TMEM63A: variants seen among roughly 807,000 people sequenced by gnomAD.
TMEM63A encodes the protein mechanosensitive cation channel TMEM63A.
Under a neutral mutation model 100.6 loss-of-function variants are expected in TMEM63A, and 76 were observed. That is an observed-to-expected ratio of 0.76 (90% CI 0.63 to 0.91). TMEM63A has a LOEUF of 0.91. Ranked by LOEUF, TMEM63A falls within the 40% of genes least tolerant of loss-of-function variation. The pLI is 0.00. For missense variants in TMEM63A, 876 were observed against 1,008.8 expected (o/e 0.87, Z 1.78); for synonymous variants, 401 against 401.1 (o/e 1.00, Z 0.00).
At chr1:225,849,758 TTC>T (rs1290226174) in intron 21 of TMEM63A, among the ~76,000 whole-genome samples, 152 bp downstream of exon 21, 2 of 152,168 alleles carry the variant, frequency 1.3e-5, no homozygotes, top group African/African-American at 4.8e-5. Flanking sequence ...GGGTACCACG[TTC>T]TGATGGGACA....
chr1:225,865,899 G>C lies in TMEM63A; in HGVS notation c.744C>G (p.Phe248Leu). The change falls in exon 10 of 25, where the codon TTC becomes TTG. Residue 248 changes from phenylalanine to leucine, a missense_variant and splice_region_variant. Transcript: ENST00000366835. This position sits in a 1 kb window ranked among gnomAD's most constrained non-coding sequence, Gnocchi z 4.6. The part of the protein sequence containing the change: ...DARKETVESH[F>L]RDAYPTCEVV... ...CCCCTCCCACCCCACCTGCTTACCG[G>C]AAGTGGCTCTCCACAGTCTCCTTCC... is the stretch of plus-strand genomic sequence containing the variant. 6.2e-7 allele frequency: 1 copy of C among 1,613,960 alleles called. No individual in the cohort carries two copies. Among genetic ancestry groups the C allele is most frequent in the African/African-American group, 1.3e-5 (1 of 75,038 alleles).
intron 14 of TMEM63A, 36 bp from the exon 15 acceptor site, chr1:225,859,385 G>A (rs200730543): frequency 1.9e-6 from 3 of 1,610,906 alleles, no homozygotes; most frequent in East Asian, 2.2e-5. Flanking sequence ...CTCGAGGCTT[G>A]TCTCCCAGTG....
intron 14 of TMEM63A, 35 bp from the exon 15 acceptor site, chr1:225,859,384 T>A (rs1264127541): frequency 6.2e-7 from 1 of 1,610,974 alleles, no homozygotes; most frequent in Admixed American, 1.7e-5. Context: ...TCTCGAGGCT[T>A]GTCTCCCAGT....
chr1:225,842,361 G>A (rs369738560), downstream of TMEM63A: 42 of 1,605,302 alleles, frequency 2.6e-5, 1 homozygote, highest in East Asian at 6.7e-5. Flanking sequence ...CCCGCTCCCC[G>A]CCAGGCTCTG....
chr1:225,880,969 C>A (rs1671059531), intron 1 of TMEM63A, among the ~76,000 whole-genome samples: 1 of 152,224 alleles, frequency 6.6e-6, no homozygotes, highest in Non-Finnish European at 1.5e-5. Flanking sequence ...ATCACCAAAT[C>A]TTTCAATCCT....
At chr1:225,866,457 G>A (rs556829158) in intron 9 of TMEM63A, 117 bp downstream of exon 9, 1 of 827,700 alleles carries the variant, frequency 1.2e-6, no homozygotes, top group South Asian at 1.7e-5. Context: ...CGGGGCTCCT[G>A]AGGCCCTCCC....
chr1:225,855,651 A>T (rs1669576490), intron 18 of TMEM63A, among the ~76,000 whole-genome samples: 1 of 152,178 alleles, frequency 6.6e-6, no homozygotes, highest in Non-Finnish European at 1.5e-5. Flanking sequence ...TGGCCTAAAA[A>T]ATTAACCACA....
At position 225,862,183 on chromosome 1, in the gene TMEM63A, C is replaced by G. The variant is rs1297352296; in HGVS notation, c.1085+35G>C. 2 of 1,610,274 alleles carry G rather than the reference C, an allele frequency of 1.2e-6. No individual in the cohort carries two copies. The highest frequency in any genetic ancestry group is 2.0e-4 in the Middle Eastern group (1 of 4,948). The stretch of plus-strand genomic sequence containing the variant: ...AGTTATCTGGAGGGGAACAGGGAGT[C>G]AGCCAAGAAGGGGTCTGGATGTGCC... On this transcript the variant is annotated intron_variant, in intron 13 of 24. Coordinates refer to ENST00000366835, the MANE Select transcript of TMEM63A (RefSeq NM_014698.3). This position sits in a 1 kb window ranked among gnomAD's most constrained non-coding sequence, Gnocchi z 5.1.
In TMEM63A at chr1:225,872,027, G is replaced by T; in HGVS notation, c.293C>A (p.Ser98Ter). Residue 98 changes from serine (S) to a stop codon, truncating the protein, a stop_gained, in exon 5 of 25, where the codon TCG becomes TAG. Coordinates refer to ENST00000366835, the MANE Select transcript of TMEM63A (RefSeq NM_014698.3). LOFTEE classifies it high-confidence loss of function. Reference protein sequence around the residue: ...DSESRFQRLSSTSSSGQQDFE... With the variant: ...DSESRFQRLS ...GTCTTGTTGACCTGAGGAGGAAGTC[G>T]ATGACAATCTCTGAAATCTGGACTC... is the stretch of plus-strand genomic sequence containing the variant. The T allele has an allele frequency of 6.2e-7, 1 of 1,612,060 alleles. No homozygotes were observed. Among genetic ancestry groups the T allele is most frequent in the Non-Finnish European group, 8.5e-7 (1 of 1,179,146 alleles).
intron 4 of TMEM63A, among the ~76,000 whole-genome samples, chr1:225,873,886 G>T (rs1422163194): frequency 6.6e-6 from 1 of 152,218 alleles, no homozygotes; most frequent in African/African-American, 2.4e-5. Context: ...AAAGCCCTCA[G>T]TATCTAAAGC....
At chr1:225,879,492 C>T (rs1576122937) in intron 1 of TMEM63A, 82 bp from the exon 2 acceptor site, 1 of 152,464 alleles carries the variant, frequency 6.6e-6, no homozygotes, top group East Asian at 1.9e-4. Flanking sequence ...CTCCAGCACA[C>T]ACCTGTGTAT....
intron 9 of TMEM63A, 88 bp downstream of exon 9, chr1:225,866,486 G>T: frequency 8.4e-7 from 1 of 1,194,364 alleles, no homozygotes; most frequent in South Asian, 1.3e-5. Flanking sequence ...TTGCAGTCAG[G>T]GCCTGTGGCA....
rs769355719 is a variant in TMEM63A at position 225,862,469 on chromosome 1, G to A, written c.937C>T (p.Leu313=). ...GGGACCCTTACCCACTCACAGCCCA[G>A]CACTTCACAGCAGCAAAACTGGCCA... ...PCGQFCCCEV[L]GCEWEDAISY... Residue 313 remains leucine (L), a synonymous_variant, in exon 12 of 25, where the codon CTG becomes TTG. Transcript: ENST00000366835. The surrounding 1 kb of genome is among the most constrained non-coding windows in gnomAD (Gnocchi z 5.1). 6.2e-7 allele frequency: 1 copy of A among 1,614,178 alleles called. No individual in the cohort carries two copies. The highest frequency in any genetic ancestry group is 8.5e-7 in the Non-Finnish European group (1 of 1,180,020).
At chr1:225,866,748 G>A in intron 8 of TMEM63A, 66 bp from the exon 9 acceptor site, 2 of 1,474,322 alleles carry the variant, frequency 1.4e-6, no homozygotes, top group Non-Finnish European at 1.9e-6. Context: ...TGCAGAGCTG[G>A]GGCCTGGTTA....
At chr1:225,845,039 TG>T, downstream of TMEM63A, 2 of 1,187,368 alleles carry the variant, frequency 1.7e-6, no homozygotes, top group Non-Finnish European at 1.2e-6. Context: ...TGGCTCCTTG[TG>T]GGTGGGCCAG....
intron 3 of TMEM63A, among the ~76,000 whole-genome samples, chr1:225,875,274 C>A (rs1282651409): frequency 6.6e-6 from 1 of 152,188 alleles, no homozygotes; most frequent in Non-Finnish European, 1.5e-5. Flanking sequence ...AACCTCAGGG[C>A]TGGACTAAGC....
At chr1:225,863,302 C>T (rs1001876749) in intron 10 of TMEM63A, among the ~76,000 whole-genome samples, 7 of 152,182 alleles carry the variant, frequency 4.6e-5, no homozygotes, top group African/African-American at 1.2e-4. Flanking sequence ...CTGTCTCACC[C>T]TCCCAAAGTG....
chr1:225,878,586 G>A (rs1437465388), intron 2 of TMEM63A, among the ~76,000 whole-genome samples: 1 of 152,150 alleles, frequency 6.6e-6, no homozygotes, highest in Non-Finnish European at 1.5e-5. Flanking sequence ...CCGGGAGTTA[G>A]TGTCCAAGTT....
Position 225,865,982 on chromosome 1 carries a change from C to G in TMEM63A, c.676-15G>C, listed in dbSNP as rs1670186117. ...GTCCGCCTCACCTGTCCGGGAAATA[C>G]AGCAGGGAGAGAAGTCACCCACAAG... is the stretch of plus-strand genomic sequence containing the variant. On this transcript the variant is annotated splice_polypyrimidine_tract_variant and intron_variant, in intron 9 of 24. Coordinates refer to ENST00000366835, the MANE Select transcript of TMEM63A (RefSeq NM_014698.3). This position sits in a 1 kb window ranked among gnomAD's most constrained non-coding sequence, Gnocchi z 4.6. 6.2e-7 allele frequency: 1 copy of G among 1,613,390 alleles called. No individual in the cohort carries two copies. The highest frequency in any genetic ancestry group is 1.3e-5 in the African/African-American group (1 of 75,002).
Sources: allele counts gnomAD v4.1 joint callset (sites outside exome capture counted in the v4.1 genomes callset), GRCh38; gene constraint gnomAD v4.1.1; non-coding constraint Gnocchi (gnomAD v3.1); transcripts MANE v1.5; gene names NCBI Gene and HGNC (gene_info 2026-07-23, HGNC 2026-07-21).